AKAP13: variants seen among roughly 807,000 people sequenced by gnomAD.
The protein encoded by AKAP13 is A-kinase anchor protein 13.
In AKAP13, 80 loss-of-function variants were observed where a neutral mutation model predicts 264.5. The observed-to-expected ratio is 0.30, with a 90% confidence interval of 0.25 to 0.36. The LOEUF (loss-of-function observed/expected upper bound fraction) is 0.36. Among genes scored for constraint, AKAP13 ranks in the 10% least tolerant of loss-of-function variants. The pLI is 1.00. For missense variants in AKAP13, 3,712 were observed against 3,435.2 expected (o/e 1.08, Z -2.01); for synonymous variants, 1,380 against 1,250.2 (o/e 1.10, Z -2.19).
intron 12 of AKAP13, chr15:85,662,265 T>G (rs2083388364): frequency 2.2e-6 from 2 of 892,870 alleles, no homozygotes; most frequent in African/African-American, 1.7e-5. Flanking sequence ...TTCCTAAATT[T>G]TTTGTTGATC....
At chr15:85,721,459 TA>T (rs1459560272) in intron 23 of AKAP13, among the ~76,000 whole-genome samples, 1 of 152,234 alleles carries the variant, frequency 6.6e-6, no homozygotes, top group Non-Finnish European at 1.5e-5. Context: ...AAAGTGAACA[TA>T]CCTTTAGAGG....
At chr15:85,619,290 G>A (rs975950634) in intron 8 of AKAP13, 1 of 885,634 alleles carries the variant, frequency 1.1e-6, no homozygotes, top group South Asian at 5.2e-5. Context: ...GAGCTGAAAG[G>A]GCAAGCAGTG....
chr15:85,735,741 T>G, intron 32 of AKAP13, 111 bp downstream of exon 32: 1 of 1,066,730 alleles, frequency 9.4e-7, no homozygotes, highest in Non-Finnish European at 1.4e-6. Context: ...TTGCTGCTTT[T>G]AATAAAATTA....
At chr15:85,657,781 C>G (rs2083169038) in intron 11 of AKAP13, among the ~76,000 whole-genome samples, 1 of 150,426 alleles carries the variant, frequency 6.6e-6, no homozygotes. Flanking sequence ...ATCCCTACAG[C>G]CAGAGCTTGA....
At chr15:85,735,852 A>T (rs1168787456) in intron 32 of AKAP13, among the ~76,000 whole-genome samples, 1 of 152,228 alleles carries the variant, frequency 6.6e-6, no homozygotes, top group African/African-American at 2.4e-5. Context: ...GTTTACATTC[A>T]TAACTCTACC....
At chr15:85,399,525 AAAAAAT>A (rs1567038668) in intron 1 of AKAP13, among the ~76,000 whole-genome samples, 15 of 102,200 alleles carry the variant, frequency 1.5e-4, no homozygotes, top group South Asian at 5.4e-4. Context: ...AAAAAAAATA[AAAAAAT>A]AAAAAAATAA....
chr15:85,496,634 C>A (rs529703857), intron 2 of AKAP13, among the ~76,000 whole-genome samples: 1 of 152,198 alleles, frequency 6.6e-6, no homozygotes, highest in Non-Finnish European at 1.5e-5. Context: ...CTAGGAAATG[C>A]ATTTCCACAG....
intron 5 of AKAP13, chr15:85,555,408 T>C: frequency 3.1e-6 from 4 of 1,287,960 alleles, no homozygotes; most frequent in East Asian, 5.6e-5. Flanking sequence ...CCAGGCTGCT[T>C]TCCTCTATTT....
chr15:85,731,793 T>C (rs1392361416), intron 30 of AKAP13, among the ~76,000 whole-genome samples: 1 of 152,060 alleles, frequency 6.6e-6, no homozygotes, highest in African/African-American at 2.4e-5. Flanking sequence ...TGAAACATGT[T>C]TGATGGGGCC....
intron 9 of AKAP13, among the ~76,000 whole-genome samples, chr15:85,643,697 A>G (rs1251340554): frequency 6.6e-6 from 1 of 152,180 alleles, no homozygotes; most frequent in Non-Finnish European, 1.5e-5. Context: ...ACCTATTGCT[A>G]AGAAGCCCCG....
chr15:85,643,207 T>TTC (rs2082391611), intron 9 of AKAP13, among the ~76,000 whole-genome samples: 1 of 151,910 alleles, frequency 6.6e-6, no homozygotes, highest in Non-Finnish European at 1.5e-5. Flanking sequence ...GCATTTTTTT[T>TTC]TTTTGTAATT....
At chr15:85,704,577 T>C (rs1354334290) in intron 17 of AKAP13, among the ~76,000 whole-genome samples, 3 of 152,214 alleles carry the variant, frequency 2.0e-5, no homozygotes, top group Non-Finnish European at 4.4e-5. Flanking sequence ...GGACTGTTTG[T>C]TTTAGGTACA....
intron 8 of AKAP13, among the ~76,000 whole-genome samples, chr15:85,614,546 C>T (rs1031580121): frequency 2.6e-5 from 4 of 152,126 alleles, no homozygotes; most frequent in Non-Finnish European, 5.9e-5. Flanking sequence ...TTTTAAAAAA[C>T]ATCTTTTTCT....
intron 5 of AKAP13, among the ~76,000 whole-genome samples, chr15:85,545,624 G>A (rs2077708294): frequency 6.6e-6 from 1 of 152,198 alleles, no homozygotes; most frequent in African/African-American, 2.4e-5. Context: ...TGCAGATCTA[G>A]CTCTTAACTT....
chr15:85,397,127 C>T (rs1259836043), intron 1 of AKAP13, among the ~76,000 whole-genome samples: 2 of 146,158 alleles, frequency 1.4e-5, no homozygotes, highest in African/African-American at 5.0e-5. Context: ...TTGAATACCT[C>T]CATAAATCTT....
intron 8 of AKAP13, 97 bp downstream of exon 8, chr15:85,585,920 G>T (rs966790571): frequency 1.3e-5 from 19 of 1,492,186 alleles, no homozygotes; most frequent in Non-Finnish European, 1.7e-5. Context: ...AGGGTAAGTG[G>T]GCAAAATAGT....
chr15:85,554,583 T>G (rs966368055), intron 5 of AKAP13, among the ~76,000 whole-genome samples: 2 of 152,140 alleles, frequency 1.3e-5, no homozygotes, highest in African/African-American at 4.8e-5. Flanking sequence ...TCCCTTACTT[T>G]TTTTTCTTTT....
chr15:85,645,775 G>GTTTTTT, intron 9 of AKAP13, 43 bp from the exon 10 acceptor site: 3 of 1,371,584 alleles, frequency 2.2e-6, no homozygotes, highest in South Asian at 1.4e-5. Context: ...TGGTTTTTTT[G>GTTTTTT]TTTTTTTTTT....
chr15:85,476,726 G>A (rs780616423), intron 1 of AKAP13, among the ~76,000 whole-genome samples: 4 of 152,116 alleles, frequency 2.6e-5, no homozygotes, highest in Non-Finnish European at 5.9e-5. Context: ...CCTTACATTA[G>A]TCTGTTGGGG....
Sources: gnomAD v4.1 joint callset for allele counts (sites outside exome capture counted in the v4.1 genomes callset) on GRCh38, gnomAD v4.1.1 for gene constraint, MANE v1.5 for transcripts, NCBI Gene and HGNC (gene_info 2026-07-23, HGNC 2026-07-21) for gene names.